Variants in ROBO2 observed in about 807,000 individuals in gnomAD.
ROBO2 encodes roundabout homolog 2.
A neutral mutation model predicts 160.8 loss-of-function variants in ROBO2; 53 were observed. That is an observed-to-expected ratio of 0.33 (90% CI 0.26 to 0.41). The LOEUF (loss-of-function observed/expected upper bound fraction) is 0.41. Ranked by LOEUF, ROBO2 falls within the 10% of genes least tolerant of loss-of-function variation. The pLI is 1.00. For synonymous variants in ROBO2, 664 were observed against 611.7 expected, an observed-to-expected ratio of 1.09 and a Z score of -1.26; for missense variants, 1,577 against 1,722.4, an observed-to-expected ratio of 0.92 and a Z score of 1.49.
chr3:77,516,207 T>A (rs2090000604), intron 5 of ROBO2, among the ~76,000 whole-genome samples: 1 of 151,606 alleles, frequency 6.6e-6, no homozygotes. Flanking sequence ...ATATCCCAAT[T>A]TGTGCTATGC....
chr3:76,339,288 T>C (rs533902228), intron 2 of ROBO2, among the ~76,000 whole-genome samples: 1 of 152,224 alleles, frequency 6.6e-6, no homozygotes, highest in East Asian at 1.9e-4. Context: ...AGGCAATAGA[T>C]TAGATTTAGA....
intron 2 of ROBO2, among the ~76,000 whole-genome samples, chr3:76,969,904 G>A (rs1001512309): frequency 4.6e-5 from 7 of 152,074 alleles, no homozygotes; most frequent in Admixed American, 1.3e-4. Flanking sequence ...TTTGAAAATC[G>A]TTATATTATT....
At chr3:76,467,904 A>G (rs1416310241) in intron 2 of ROBO2, among the ~76,000 whole-genome samples, 5 of 152,152 alleles carry the variant, frequency 3.3e-5, no homozygotes, top group African/African-American at 1.2e-4. Flanking sequence ...TTCAGTGGCA[A>G]TATATTTGAG....
chr3:76,869,228 G>A (rs556800698), intron 2 of ROBO2, among the ~76,000 whole-genome samples: 1 of 151,888 alleles, frequency 6.6e-6, no homozygotes, highest in South Asian at 2.1e-4. Flanking sequence ...CTACCTCTCA[G>A]TGCAGATGTA....
intron 2 of ROBO2, among the ~76,000 whole-genome samples, chr3:76,921,466 G>T (rs1052178074): frequency 6.6e-6 from 1 of 152,082 alleles, no homozygotes; most frequent in East Asian, 1.9e-4. Flanking sequence ...ACAAAAATTA[G>T]CTGGGCGTGG....
rs144238459 is a variant in ROBO2 at position 76,786,592 on chromosome 3, A to G, written c.110-311422A>G. 3.4e-3 allele frequency among the ~76,000 whole-genome samples: 510 copies of G among 151,478 alleles called. 4 individuals are homozygous for G. Among genetic ancestry groups the G allele is most frequent in the African/African-American group, 0.012 (488 of 41,460 alleles). Reference sequence around the variant, plus strand: ...AACTGGAAACCACTCCCATGATTCAATTACCTCCCACCACGCTCCACCTCC... The same window carrying G: ...AACTGGAAACCACTCCCATGATTCAGTTACCTCCCACCACGCTCCACCTCC... On this transcript the variant is annotated intron_variant, in intron 2 of 26. Coordinates refer to the ROBO2 transcript ENST00000487694.
At chr3:77,390,695 T>C (rs952322817) in intron 2 of ROBO2, among the ~76,000 whole-genome samples, 1 of 152,108 alleles carries the variant, frequency 6.6e-6, no homozygotes, top group African/African-American at 2.4e-5. Flanking sequence ...AAATGTAATA[T>C]GAAAAAAATG....
At chr3:76,908,555 T>C (rs1047842805) in intron 2 of ROBO2, among the ~76,000 whole-genome samples, 2 of 152,216 alleles carry the variant, frequency 1.3e-5, no homozygotes, top group Non-Finnish European at 2.9e-5. Flanking sequence ...AATGTCTTTT[T>C]TCCTGCAGCC....
intron 2 of ROBO2, among the ~76,000 whole-genome samples, chr3:77,153,036 C>T (rs2077675411): frequency 6.6e-6 from 1 of 152,108 alleles, no homozygotes; most frequent in Non-Finnish European, 1.5e-5. Flanking sequence ...GTCTTTCAGT[C>T]TGTCTCGTTT....
At chr3:76,388,935 C>T (rs2077023172) in intron 2 of ROBO2, among the ~76,000 whole-genome samples, 1 of 152,068 alleles carries the variant, frequency 6.6e-6, no homozygotes, top group African/African-American at 2.4e-5. Flanking sequence ...CTTTAACTTT[C>T]TGTGCCCACT....
intron 2 of ROBO2, among the ~76,000 whole-genome samples, chr3:76,796,495 G>GGAAGGAAA (rs1185312085): frequency 1.6e-5 from 2 of 128,474 alleles, no homozygotes; most frequent in East Asian, 4.4e-4. Flanking sequence ...AAGGAAGGAA[G>GGAAGGAAA]GAAGGAAAGA....
At chr3:76,446,755 A>G (rs896049971) in intron 2 of ROBO2, among the ~76,000 whole-genome samples, 2 of 152,192 alleles carry the variant, frequency 1.3e-5, no homozygotes, top group Non-Finnish European at 2.9e-5. Context: ...CAACCATCTG[A>G]TCTTTGACAT....
intron 2 of ROBO2, among the ~76,000 whole-genome samples, chr3:77,016,321 A>G (rs1473057231): frequency 6.6e-6 from 1 of 151,522 alleles, no homozygotes; most frequent in African/African-American, 2.4e-5. Context: ...TTGCACTTGA[A>G]TTAGTTTTGG....
upstream of ROBO2, among the ~76,000 whole-genome samples, chr3:77,036,020 A>C (rs1271065915): frequency 2.0e-5 from 3 of 151,792 alleles, no homozygotes; most frequent in African/African-American, 7.3e-5. Flanking sequence ...GTTTTCTTAA[A>C]TTGATCAGAG....
intron 2 of ROBO2, among the ~76,000 whole-genome samples, chr3:77,348,921 G>A (rs910325775): frequency 6.6e-6 from 1 of 151,274 alleles, no homozygotes; most frequent in African/African-American, 2.4e-5. Flanking sequence ...CATTTGTCTG[G>A]CTCTCTCACT....
At chr3:77,639,390 T>A (rs930471823) in intron 24 of ROBO2, among the ~76,000 whole-genome samples, 8 of 151,996 alleles carry the variant, frequency 5.3e-5, no homozygotes, top group African/African-American at 1.9e-4. Flanking sequence ...GTGATAAATG[T>A]TATGGGGAAA....
At chr3:76,385,347 T>G (rs1185835287) in intron 2 of ROBO2, among the ~76,000 whole-genome samples, 1 of 152,186 alleles carries the variant, frequency 6.6e-6, no homozygotes, top group Non-Finnish European at 1.5e-5. Context: ...AATCATATTT[T>G]ATATAAAAAT....
chr3:76,480,426 T>C (rs1184302817), intron 2 of ROBO2, among the ~76,000 whole-genome samples: 1 of 152,166 alleles, frequency 6.6e-6, no homozygotes, highest in African/African-American at 2.4e-5. Context: ...CACTGTCATA[T>C]ATTTACCTAA....
chr3:77,264,337 CTT>C (rs768803675), intron 2 of ROBO2, among the ~76,000 whole-genome samples: 7 of 152,138 alleles, frequency 4.6e-5, no homozygotes, highest in Non-Finnish European at 8.8e-5. Flanking sequence ...CAACTCCTGA[CTT>C]TGTTCATTGT....
Sources: gnomAD v4.1 joint callset for allele counts (sites outside exome capture counted in the v4.1 genomes callset) on GRCh38, gnomAD v4.1.1 for gene constraint, MANE v1.5 for transcripts, NCBI Gene and HGNC (gene_info 2026-07-23, HGNC 2026-07-21) for gene names.